Variants in FBXO40 observed in about 807,000 individuals in gnomAD.
The protein encoded by FBXO40 is F-box protein 40, also known as F-box only protein 40.
In FBXO40, 50 loss-of-function variants were observed where a neutral mutation model predicts 49.9. The ratio of observed to expected loss-of-function variants is 1.00; its 90% confidence interval spans 0.80 to 1.27. The LOEUF is 1.27. FBXO40 is among the 50% of genes most tolerant of loss of function. FBXO40 has a pLI of 0.00. For synonymous variants in FBXO40, 340 were observed against 320.2 expected (o/e 1.06, Z -0.66); for missense variants, 895 against 870.1 (o/e 1.03, Z -0.36).
At position 121,626,854 on chromosome 3, in the gene FBXO40, C is replaced by T. The variant is rs146248987; in HGVS notation, c.2074C>T (p.Arg692Ter). Reference sequence around the variant, plus strand: ...CATGTGTCAGCCCCGTGAGCAGGCCCGAGAGAGCTTAGTCTCCACCTTTAG... The same window carrying T: ...CATGTGTCAGCCCCGTGAGCAGGCCTGAGAGAGCTTAGTCTCCACCTTTAG... Reference protein sequence around the residue: ...TSMCQPREQARESLVSTFRIR... With the variant: ...TSMCQPREQA Residue 692 changes from arginine to a stop codon, truncating the protein, a stop_gained, in exon 4 of 4, where the codon CGA becomes TGA. Coordinates refer to ENST00000338040, the MANE Select transcript of FBXO40 (RefSeq NM_016298.4). LOFTEE classifies it high-confidence loss of function. 133 of 1,614,074 alleles carry T rather than the reference C, an allele frequency of 8.2e-5. 1 individual carries two copies. Among genetic ancestry groups the T allele is most frequent in the African/African-American group, 6.0e-4 (45 of 74,984 alleles).
rs562978365 is a variant in FBXO40 at position 121,611,416 on chromosome 3, A to C, written c.-30-9130A>C. ...AATGAAGTTCAAGGGATGGTACTAT[A>C]CCTGGATGTGCACGTAGGCCAGATT... On this transcript the variant is annotated intron_variant, in intron 1 of 3. Transcript: ENST00000338040. Among the ~76,000 whole-genome samples the C allele has an allele frequency of 2.7e-3, 409 of 152,044 alleles. 3 individuals are homozygous for C. The highest frequency in any genetic ancestry group is 3.5e-3 in the Non-Finnish European group (239 of 67,876).
At chr3:121,597,164 G>A (rs2048876845) in intron 1 of FBXO40, among the ~76,000 whole-genome samples, 1 of 152,160 alleles carries the variant, frequency 6.6e-6, no homozygotes, top group Non-Finnish European at 1.5e-5. Context: ...AAGAGAGAAG[G>A]CAAGTCTCAA....
At chr3:121,599,674 GCACACACACACA>G (rs757324448) in intron 1 of FBXO40, among the ~76,000 whole-genome samples, 9 of 99,564 alleles carry the variant, frequency 9.0e-5, no homozygotes, top group East Asian at 2.9e-4. Context: ...ACACACACAT[GCACACACACACA>G]CACACACACA....
chr3:121,597,720 G>C (rs1292283638), intron 1 of FBXO40, among the ~76,000 whole-genome samples: 2 of 143,356 alleles, frequency 1.4e-5, no homozygotes, highest in African/African-American at 5.2e-5. Flanking sequence ...GGAGTGCAGT[G>C]GCATGATCTT....
intron 1 of FBXO40, among the ~76,000 whole-genome samples, chr3:121,605,042 G>A (rs932093419): frequency 2.0e-5 from 3 of 151,694 alleles, no homozygotes; most frequent in East Asian, 1.9e-4. Flanking sequence ...GCATGATCTC[G>A]GCTCACTGCA....
In FBXO40 at chr3:121,604,811, G is replaced by A. The variant is rs115648779; in HGVS notation, c.-31+11309G>A. Among the ~76,000 whole-genome samples, 477 of 152,222 alleles carry A rather than the reference G, an allele frequency of 3.1e-3. 2 individuals are homozygous for A. Among genetic ancestry groups the A allele is most frequent in the African/African-American group, 0.01 (434 of 41,530 alleles). ...CAGCCCATGGGGTATCATTGGCAAT[G>A]ACCTCAACATGCCAGATAGCATCTT... is the stretch of plus-strand genomic sequence containing the variant. On this transcript the variant is annotated intron_variant, in intron 1 of 3. Coordinates refer to ENST00000338040, the MANE Select transcript of FBXO40 (RefSeq NM_016298.4).
intron 1 of FBXO40, among the ~76,000 whole-genome samples, chr3:121,599,722 ATATTTTT>A (rs1449769348): frequency 9.8e-5 from 8 of 81,594 alleles, no homozygotes; most frequent in African/African-American, 1.1e-4. Context: ...ATATATATAT[ATATTTTT>A]TTTTTTTTTT....
At chr3:121,594,487 C>T (rs1280957996) in intron 1 of FBXO40, among the ~76,000 whole-genome samples, 2 of 152,152 alleles carry the variant, frequency 1.3e-5, no homozygotes, top group African/African-American at 2.4e-5. Context: ...AAGCATGAGC[C>T]GCTGTGCCTG....
At chr3:121,601,488 C>A (rs912896874) in intron 1 of FBXO40, among the ~76,000 whole-genome samples, 2 of 152,170 alleles carry the variant, frequency 1.3e-5, no homozygotes, top group African/African-American at 4.8e-5. Flanking sequence ...AATAAGGCTG[C>A]ACAACAAATG....
intron 1 of FBXO40, among the ~76,000 whole-genome samples, chr3:121,594,173 T>C (rs1348127859): frequency 2.0e-5 from 3 of 150,946 alleles, no homozygotes; most frequent in African/African-American, 4.9e-5. Context: ...TGGCCCAGAA[T>C]TTCTATTATT....
At chr3:121,620,475 T>G in intron 1 of FBXO40, 71 bp from the exon 2 acceptor site, 1 of 1,388,730 alleles carries the variant, frequency 7.2e-7, no homozygotes, top group Non-Finnish European at 1.0e-6. Flanking sequence ...GTGAAGTCTC[T>G]TTAGCCTCTA....
At chr3:121,620,952 C>T (rs541901782) in intron 2 of FBXO40, among the ~76,000 whole-genome samples, 1 of 152,330 alleles carries the variant, frequency 6.6e-6, no homozygotes, top group East Asian at 1.9e-4. Context: ...GTCCTCCCAG[C>T]CCGCACTCTG....
At position 121,626,816 on chromosome 3, in the gene FBXO40, T is replaced by C. The variant is rs1421143754; in HGVS notation, c.2036T>C (p.Ile679Thr). 4 of 1,614,034 alleles carry C rather than the reference T, an allele frequency of 2.5e-6. No individual in the cohort carries two copies. The African/African-American group carries it at 4.0e-5, about 16-fold the overall frequency. Residue 679 changes from isoleucine (I) to threonine (T), a missense_variant, in exon 4 of 4, where the codon ATT becomes ACT. By Grantham distance (89) the Ile-to-Thr change is moderately conservative. Transcript: ENST00000338040. ...FNIVEHKTDP[I>T]LLTSMCQPRE... is the part of the protein sequence containing the mutation. ...ATTGTAGAGCACAAAACTGACCCGA[T>C]TCTTTTGACTAGCATGTGTCAGCCC...
At chr3:121,620,406 C>A in intron 1 of FBXO40, 140 bp from the exon 2 acceptor site, 1 of 680,538 alleles carries the variant, frequency 1.5e-6, no homozygotes, top group Non-Finnish European at 2.4e-6. Context: ...GTTTCCTTGA[C>A]TCAAACATGG....
chr3:121,616,613 T>C (rs1021808796), intron 1 of FBXO40, among the ~76,000 whole-genome samples: 8 of 152,228 alleles, frequency 5.3e-5, no homozygotes, highest in East Asian at 3.8e-4. Context: ...CAGCTGACTC[T>C]AATGAACAAT....
chr3:121,624,639 T>C (rs1470542802), intron 3 of FBXO40, among the ~76,000 whole-genome samples: 1 of 152,174 alleles, frequency 6.6e-6, no homozygotes, highest in Non-Finnish European at 1.5e-5. Context: ...TCTATTCTCC[T>C]GGCTTCCCCC....
At chr3:121,625,371 G>A (rs1195070157) in intron 3 of FBXO40, among the ~76,000 whole-genome samples, 2 of 152,120 alleles carry the variant, frequency 1.3e-5, no homozygotes, top group Non-Finnish European at 2.9e-5. Flanking sequence ...ATTGGCACTG[G>A]GGAGTTAGAG....
rs1170928543 is a variant in FBXO40, at chr3:121,622,466, C to T, written c.1037C>T (p.Thr346Ile). 6.2e-7 allele frequency: 1 copy of T among 1,614,218 alleles called. No homozygotes were observed. The highest frequency in any genetic ancestry group is 2.2e-5 in the East Asian group (1 of 44,888). Reference sequence around the variant, plus strand: ...AAGCTGGAGGCTCAGGAAGTTAAGACTGTTTACACCTTCAAAGTTCCTGTG... The same window carrying T: ...AAGCTGGAGGCTCAGGAAGTTAAGATTGTTTACACCTTCAAAGTTCCTGTG... ...YGKLEAQEVKTVYTFKVPVSY... is the reference protein window; with the variant it reads ...YGKLEAQEVKIVYTFKVPVSY... The change falls in exon 3 of 4, where the codon ACT becomes ATT. Residue 346 changes from threonine (T) to isoleucine (I), a missense_variant. Transcript: ENST00000338040.
chr3:121,608,612 T>A (rs1339680703), intron 1 of FBXO40, among the ~76,000 whole-genome samples: 2 of 152,224 alleles, frequency 1.3e-5, no homozygotes, highest in Non-Finnish European at 2.9e-5. Flanking sequence ...GATGCTTTAA[T>A]AAACATCCTC....
Sources: allele counts gnomAD v4.1 joint callset (sites outside exome capture counted in the v4.1 genomes callset), GRCh38; gene constraint gnomAD v4.1.1; transcripts MANE v1.5; gene names NCBI Gene and HGNC (gene_info 2026-07-23, HGNC 2026-07-21).